The following RAD51B variants were observed in gnomAD, a reference collection of about 807,000 sequenced individuals.
The protein encoded by RAD51B is DNA repair protein RAD51 homolog 2.
Under a neutral mutation model 42.2 loss-of-function variants are expected in RAD51B, and 38 were observed. That is an observed-to-expected ratio of 0.90 (90% confidence interval 0.70 to 1.18). The LOEUF is 1.18. RAD51B is among the 50% of genes most tolerant of loss of function. The probability of loss-of-function intolerance (pLI) is 0.00; values close to 1 mark genes in which losing one functional copy is unlikely to be tolerated. For missense variants in RAD51B, 373 were observed against 400.7 expected, an observed-to-expected ratio of 0.93 and a Z score of 0.59; for synonymous variants, 154 against 145.2, an observed-to-expected ratio of 1.06 and a Z score of -0.43.
chr14:68,492,248 C>T (rs1459542490), intron 10 of RAD51B, among the ~76,000 whole-genome samples: 1 of 152,222 alleles, frequency 6.6e-6, no homozygotes, highest in African/African-American at 2.4e-5. Context: ...CCATCCTGCT[C>T]TACTTATATT....
chr14:68,437,017 T>C (rs1407885802), intron 9 of RAD51B, among the ~76,000 whole-genome samples: 1 of 152,178 alleles, frequency 6.6e-6, no homozygotes, highest in Non-Finnish European at 1.5e-5. Flanking sequence ...TTTCTTTCTT[T>C]TGCCTGACTG....
chr14:68,636,761 C>T (rs1231596934), intron 10 of RAD51B, among the ~76,000 whole-genome samples: 2 of 152,118 alleles, frequency 1.3e-5, no homozygotes, highest in Non-Finnish European at 2.9e-5. Flanking sequence ...CAGACATGCC[C>T]AGCGCCTCCC....
Position 67,930,032 on chromosome 14 carries a change from C to T in RAD51B, c.756+42828C>T, listed in dbSNP as rs747626740. 2.6e-5 allele frequency among the ~76,000 whole-genome samples: 4 copies of T among 151,860 alleles called. No individual in the cohort carries two copies. In the South Asian group the frequency reaches 8.3e-4, roughly 32 times the overall value. ...GGTATTTCTGCTCACTTTTGGTTTC[C>T]GTTTGTGTGGAATATCTTTTTTCAT... On this transcript the variant is annotated intron_variant, in intron 7 of 10. Transcript: ENST00000471583.
chr14:67,835,357 G>A (rs1437165295), intron 4 of RAD51B, among the ~76,000 whole-genome samples, 161 bp downstream of exon 4: 1 of 152,158 alleles, frequency 6.6e-6, no homozygotes, highest in East Asian at 1.9e-4. Context: ...TAGTGTGGTT[G>A]TTCTGCAAAC....
Position 68,077,730 on chromosome 14 carries a change from C to T in RAD51B, c.756+190526C>T, listed in dbSNP as rs138207921. Among the ~76,000 whole-genome samples the T allele has an allele frequency of 8.5e-3, 1,296 of 152,256 alleles. 8 individuals are homozygous for T. The highest frequency in any genetic ancestry group is 0.014 in the Middle Eastern group (4 of 294). ...CAGCACTTTGGGAGGCCAAGGTGGG[C>T]GGATCACCTGAGATCAGGAGTTTGA... On this transcript the variant is annotated intron_variant, in intron 7 of 10. Coordinates refer to ENST00000471583, the MANE Select transcript of RAD51B (RefSeq NM_133510.4).
At chr14:68,166,620 G>C (rs946474407) in intron 7 of RAD51B, among the ~76,000 whole-genome samples, 2 of 152,136 alleles carry the variant, frequency 1.3e-5, no homozygotes, top group African/African-American at 4.8e-5. Flanking sequence ...AACTAACGTA[G>C]TAGGGAAGAG....
chr14:68,677,815 T>G (rs779722028), intron 11 of RAD51B, among the ~76,000 whole-genome samples: 1 of 152,216 alleles, frequency 6.6e-6, no homozygotes, highest in African/African-American at 2.4e-5. Context: ...TAGGTGTTAC[T>G]GCTGTAGGCC....
intron 8 of RAD51B, among the ~76,000 whole-genome samples, chr14:68,405,593 A>G (rs1311735755): frequency 6.6e-6 from 1 of 152,158 alleles, no homozygotes; most frequent in Non-Finnish European, 1.5e-5. Context: ...AAGCTTGCTC[A>G]CTCAGGGTTT....
chr14:68,670,159 C>G (rs562484024), intron 11 of RAD51B, among the ~76,000 whole-genome samples: 2 of 152,308 alleles, frequency 1.3e-5, no homozygotes, highest in East Asian at 1.9e-4. Flanking sequence ...CTTCCACAGA[C>G]CAGGCCGACC....
intron 8 of RAD51B, among the ~76,000 whole-genome samples, chr14:68,405,175 T>C (rs1054292478): frequency 4.6e-5 from 7 of 152,214 alleles, no homozygotes; most frequent in Non-Finnish European, 1.0e-4. Flanking sequence ...GTAGCTAAGA[T>C]ATGAAGCTCA....
downstream of RAD51B, among the ~76,000 whole-genome samples, chr14:68,598,836 A>T (rs1459651806): frequency 6.6e-6 from 1 of 152,114 alleles, no homozygotes; most frequent in Non-Finnish European, 1.5e-5. Flanking sequence ...TATTATTATT[A>T]TTTGTTTGTT....
chr14:67,821,463 T>C lies in RAD51B; in HGVS notation c.-3+1610T>C, dbSNP rs531132768. Among the ~76,000 whole-genome samples the C allele has an allele frequency of 1.6e-3, 238 of 150,104 alleles. 2 individuals carry two copies. Among genetic ancestry groups the C allele is most frequent in the Non-Finnish European group, 2.5e-3 (171 of 68,012 alleles). On this transcript the variant is annotated intron_variant, in intron 1 of 10. Coordinates refer to ENST00000471583, the MANE Select transcript of RAD51B (RefSeq NM_133510.4). ...TTAGAATTTATAGTTTTTTGTTTGT[T>C]TGTTTTTTGTTTTTGATAGGGTCTC...
rs577320251 is a variant in RAD51B at position 67,867,838 on chromosome 14, A to G, written c.452+2699A>G. The stretch of plus-strand genomic sequence containing the variant: ...ATGTTGTAGCTCTGTATGTGTTCAC[A>G]TTGTCTCCACTTTGTGCTTGCAAAG... On this transcript the variant is annotated intron_variant, in intron 5 of 10. Transcript: ENST00000471583. 3.3e-5 allele frequency among the ~76,000 whole-genome samples: 5 copies of G among 152,354 alleles called. No homozygotes were observed. In the South Asian group the frequency reaches 6.2e-4, roughly 19 times the overall value.
intron 7 of RAD51B, among the ~76,000 whole-genome samples, chr14:68,206,807 T>C (rs2079598051): frequency 7.2e-6 from 1 of 139,502 alleles, no homozygotes; most frequent in Admixed American, 7.1e-5. Flanking sequence ...TTTTTTTTTT[T>C]GAGACGGAGT....
At chr14:68,607,744 G>A (rs17105992) in intron 10 of RAD51B, among the ~76,000 whole-genome samples, 24,790 of 152,110 alleles carry the variant, frequency 0.16, 2,352 homozygotes, top group East Asian at 0.38. Context: ...AGGACGGGGA[G>A]CACACAGCCC....
At chr14:68,279,235 A>G (rs1455745216) in intron 7 of RAD51B, among the ~76,000 whole-genome samples, 1 of 152,232 alleles carries the variant, frequency 6.6e-6, no homozygotes, top group African/African-American at 2.4e-5. Context: ...CGTGTTGTCA[A>G]TAACCAGACA....
intron 10 of RAD51B, among the ~76,000 whole-genome samples, chr14:68,601,999 G>A (rs1242819886): frequency 6.6e-6 from 1 of 152,100 alleles, no homozygotes; most frequent in Non-Finnish European, 1.5e-5. Context: ...CCCCCTCTGT[G>A]CAAGCCTTAT....
At chr14:68,031,629 G>T (rs2076043357) in intron 7 of RAD51B, among the ~76,000 whole-genome samples, 1 of 151,972 alleles carries the variant, frequency 6.6e-6, no homozygotes, top group Non-Finnish European at 1.5e-5. Flanking sequence ...AGGAGTTTAA[G>T]ACCAGCCTGA....
chr14:68,236,014 A>T (rs187808796), intron 7 of RAD51B, among the ~76,000 whole-genome samples: 21 of 152,288 alleles, frequency 1.4e-4, no homozygotes, highest in Admixed American at 3.9e-4. Flanking sequence ...TGAGCTAAAC[A>T]TATAGACACA....
Sources: allele counts gnomAD v4.1 joint callset (sites outside exome capture counted in the v4.1 genomes callset), GRCh38; gene constraint gnomAD v4.1.1; transcripts MANE v1.5; gene names NCBI Gene and HGNC (gene_info 2026-07-23, HGNC 2026-07-21).